The following C6orf89 variants were observed in gnomAD, a reference collection of about 807,000 sequenced individuals.
C6orf89 encodes chromosome 6 open reading frame 89, also known as bombesin receptor-activated protein C6orf89.
A neutral mutation model predicts 40.7 loss-of-function variants in C6orf89; 29 were observed. The ratio of observed to expected loss-of-function variants is 0.71; its 90% CI spans 0.53 to 0.97. C6orf89 has a LOEUF of 0.97. Ranked by LOEUF, C6orf89 falls within the 50% of genes least tolerant of loss-of-function variation. C6orf89 has a pLI of 0.00. For missense variants in C6orf89, 392 were observed against 429.1 expected (o/e 0.91, Z 0.76); for synonymous variants, 165 against 152.2 (o/e 1.08, Z -0.62).
intron 7 of C6orf89, among the ~76,000 whole-genome samples, chr6:36,917,100 G>T (rs1033196014): frequency 5.9e-5 from 9 of 152,140 alleles, no homozygotes; most frequent in Admixed American, 1.3e-4. Flanking sequence ...TGGATGAATA[G>T]AATAACTGCT....
chr6:36,900,889 C>A (rs1005289720), intron 3 of C6orf89, among the ~76,000 whole-genome samples: 1 of 151,662 alleles, frequency 6.6e-6, no homozygotes, highest in Non-Finnish European at 1.5e-5. Context: ...TCTTGTTGCC[C>A]AGGCTGGAGT....
intron 1 of C6orf89, among the ~76,000 whole-genome samples, chr6:36,887,257 A>G (rs1464174960): frequency 6.6e-6 from 1 of 152,170 alleles, no homozygotes; most frequent in Non-Finnish European, 1.5e-5. Context: ...GCATTTTTAA[A>G]AATGAATAAA....
At chr6:36,909,943 C>T (rs1245978114) in intron 4 of C6orf89, among the ~76,000 whole-genome samples, 1 of 152,090 alleles carries the variant, frequency 6.6e-6, no homozygotes, top group African/African-American at 2.4e-5. Context: ...TAAAAATACT[C>T]ATTTCTCAGT....
intron 1 of C6orf89, among the ~76,000 whole-genome samples, chr6:36,894,100 AAAT>A (rs1007015943): frequency 6.6e-6 from 1 of 152,116 alleles, no homozygotes; most frequent in Admixed American, 6.5e-5. Context: ...CAGCCATCAA[AAAT>A]AATGATGATT....
intron 3 of C6orf89, among the ~76,000 whole-genome samples, chr6:36,900,687 A>G (rs1187866995): frequency 2.6e-5 from 4 of 151,400 alleles, no homozygotes; most frequent in African/African-American, 9.7e-5. Context: ...TTTTGTAGAG[A>G]TGGGGGTTTT....
intron 4 of C6orf89, among the ~76,000 whole-genome samples, chr6:36,913,668 C>G (rs1762203945): frequency 6.6e-6 from 1 of 152,186 alleles, no homozygotes; most frequent in South Asian, 2.1e-4. Flanking sequence ...AATGTTTTTC[C>G]TAGCTGTTAT....
chr6:36,925,003 G>C lies in C6orf89; in HGVS notation c.*1562G>C, dbSNP rs1762632611. ...AGCAGAGTTCACAGAGCTCAGGATAGAAACATCAGAGCCTCCTCCACGGGC... is the reference window on the plus strand; with the variant it reads ...AGCAGAGTTCACAGAGCTCAGGATACAAACATCAGAGCCTCCTCCACGGGC... On this transcript the variant is annotated 3_prime_UTR_variant, in exon 9 of 9. Transcript: ENST00000480824. 1 of 152,196 alleles carries C rather than the reference G, an allele frequency of 6.6e-6. No homozygotes were observed. Among genetic ancestry groups the C allele is most frequent in the Non-Finnish European group, 1.5e-5 (1 of 68,038 alleles). The allele number at this position is 152,196 out of a possible 1,614,324, so 9.4% of individuals were successfully genotyped here.
At chr6:36,871,991 C>A (rs1774520975) in intron 1 of C6orf89, 2 of 924,028 alleles carry the variant, frequency 2.2e-6, no homozygotes, top group African/African-American at 3.5e-5. Context: ...TTGTGATAAC[C>A]ACTGGATTTC....
chr6:36,900,079 T>C (rs7761425), intron 3 of C6orf89, among the ~76,000 whole-genome samples: 1 of 150,812 alleles, frequency 6.6e-6, no homozygotes, highest in African/African-American at 2.4e-5. Flanking sequence ...TAGAGACAGG[T>C]TTTCTCCATG....
chr6:36,897,152 GAA>G (rs1217558202), intron 2 of C6orf89, among the ~76,000 whole-genome samples: 2 of 120,434 alleles, frequency 1.7e-5, no homozygotes, highest in African/African-American at 3.2e-5. Flanking sequence ...AAAAAAAAAA[GAA>G]AAGAAAGAAA....
At chr6:36,923,245 T>C (rs1762573126) in intron 8 of C6orf89, 102 bp from the exon 9 acceptor site, 1 of 730,834 alleles carries the variant, frequency 1.4e-6, no homozygotes, top group African/African-American at 1.8e-5. Context: ...GACTCTGCAG[T>C]GCACCCTGAG....
chr6:36,871,848 C>G, upstream of C6orf89: 1 of 1,601,466 alleles, frequency 6.2e-7, no homozygotes, highest in East Asian at 2.3e-5. Flanking sequence ...GCTTCCAGTA[C>G]AGCTCCAGCA....
rs1368871669 is a variant in C6orf89, at chr6:36,901,724, G to A, written c.190-497G>A. On this transcript the variant is annotated intron_variant, in intron 3 of 8. Transcript: ENST00000480824. Reference sequence around the variant, plus strand: ...CTCGCTCTGTCGCCCAGGCTGGAGTGCAGTGGCGCGATCTCGGCTCACTGC... The same window carrying A: ...CTCGCTCTGTCGCCCAGGCTGGAGTACAGTGGCGCGATCTCGGCTCACTGC... Among the ~76,000 whole-genome samples, 5 of 151,164 alleles carry A rather than the reference G, an allele frequency of 3.3e-5. No homozygotes were observed. The East Asian group carries it at 7.8e-4, about 24-fold the overall frequency.
intron 4 of C6orf89, among the ~76,000 whole-genome samples, 170 bp from the exon 5 acceptor site, chr6:36,914,114 G>A (rs927874324): frequency 9.2e-5 from 14 of 152,142 alleles, no homozygotes; most frequent in African/African-American, 2.4e-4. Context: ...TGAGCTGGAC[G>A]GCACCACTGC....
intron 8 of C6orf89, among the ~76,000 whole-genome samples, chr6:36,920,809 C>T (rs1762484866): frequency 6.6e-6 from 1 of 152,124 alleles, no homozygotes; most frequent in African/African-American, 2.4e-5. Flanking sequence ...GAAAATCTCT[C>T]TGGCATATTT....
At chr6:36,878,713 T>A (rs1000705308) in intron 1 of C6orf89, among the ~76,000 whole-genome samples, 7 of 152,226 alleles carry the variant, frequency 4.6e-5, no homozygotes, top group Admixed American at 1.3e-4. Flanking sequence ...TAACAATAGC[T>A]GAATGTTGGC....
At chr6:36,873,243 A>G (rs932958588) in intron 1 of C6orf89, among the ~76,000 whole-genome samples, 1 of 152,230 alleles carries the variant, frequency 6.6e-6, no homozygotes, top group African/African-American at 2.4e-5. Context: ...AGGAAAATAT[A>G]CAAAAGTGCC....
At chr6:36,904,658 A>AT (rs11359683) in intron 4 of C6orf89, among the ~76,000 whole-genome samples, 2 of 151,948 alleles carry the variant, frequency 1.3e-5, no homozygotes, top group African/African-American at 4.8e-5. Context: ...AAAATATATC[A>AT]TTTTTTAATG....
chr6:36,926,406 G>T lies in C6orf89; in HGVS notation c.*2965G>T, dbSNP rs549170458. 2 of 152,122 alleles carry T rather than the reference G, an allele frequency of 1.3e-5. No homozygotes were observed. Among genetic ancestry groups the T allele is most frequent in the African/African-American group, 2.4e-5 (1 of 41,508 alleles). 9.4% of individuals were successfully genotyped at this position (152,122 alleles called of 1,614,324 possible). ...AAATTACCCAGGCGTGATGGTGGGCGCCTGTAATCCCAGCTACACAGGAAG... is the reference window on the plus strand; with the variant it reads ...AAATTACCCAGGCGTGATGGTGGGCTCCTGTAATCCCAGCTACACAGGAAG... On this transcript the variant is annotated 3_prime_UTR_variant, in exon 9 of 9. Coordinates refer to ENST00000480824, the MANE Select transcript of C6orf89 (RefSeq NM_001286635.2).
Sources: allele counts gnomAD v4.1 joint callset (sites outside exome capture counted in the v4.1 genomes callset), GRCh38; gene constraint gnomAD v4.1.1; transcripts MANE v1.5; gene names NCBI Gene and HGNC (gene_info 2026-07-23, HGNC 2026-07-21).